The following CRX variants were observed in gnomAD, a reference collection of about 807,000 sequenced individuals.
CRX encodes cone-rod homeobox, also known as cone-rod homeobox protein.
In CRX, 5 loss-of-function variants were observed where a neutral mutation model predicts 13.1. The observed-to-expected ratio is 0.38, with a 90% CI of 0.20 to 0.80. The LOEUF (loss-of-function observed/expected upper bound fraction) is 0.80. Ranked by LOEUF, CRX falls within the 30% of genes least tolerant of loss-of-function variation. CRX has a pLI of 0.43. For missense variants in CRX, 351 were observed against 391.8 expected (o/e 0.90, Z 0.88); for synonymous variants, 179 against 171.1 (o/e 1.05, Z -0.36).
intron 1 of CRX, among the ~76,000 whole-genome samples, chr19:47,829,722 T>G (rs1039494458): frequency 1.3e-5 from 2 of 151,498 alleles, no homozygotes; most frequent in Non-Finnish European, 2.9e-5. Flanking sequence ...CTCCAAATCC[T>G]GGGCTCCAGT....
chr19:47,827,274 A>G (rs553683488), intron 1 of CRX, among the ~76,000 whole-genome samples: 1 of 152,114 alleles, frequency 6.6e-6, no homozygotes, highest in South Asian at 2.1e-4. Context: ...GCTTTTCTCC[A>G]TGATCAATCT....
Position 47,839,635 on chromosome 19 carries a change from C to G in CRX, c.568C>G (p.Pro190Ala). 6.2e-7 allele frequency: 1 copy of G among 1,613,286 alleles called. No individual in the cohort carries two copies. The highest frequency in any genetic ancestry group is 8.5e-7 in the Non-Finnish European group (1 of 1,179,950). The change falls in exon 4 of 4, where the codon CCC becomes GCC. Residue 190 changes from proline to alanine, a missense_variant. This residue lies in a region of CRX where 253 missense variants were observed against 268.3 expected (regional missense o/e 0.94). Transcript: ENST00000221996. The surrounding 1 kb of genome is among the most constrained non-coding windows in gnomAD (Gnocchi z 4.6). The stretch of plus-strand genomic sequence containing the variant: ...CTCAGGGCCGTCTCTGACCTCCGCC[C>G]CCTATGCCATGACCTACGCCCCGGC... ...VASGPSLTSA[P>A]YAMTYAPASA...
Position 47,839,654 on chromosome 19 carries a change from C to G in CRX, c.587C>G (p.Ala196Gly). 6.2e-7 allele frequency: 1 copy of G among 1,613,460 alleles called. No homozygotes were observed. Among genetic ancestry groups the G allele is most frequent in the Non-Finnish European group, 8.5e-7 (1 of 1,179,970 alleles). Residue 196 changes from alanine (A) to glycine (G), a missense_variant, in exon 4 of 4, where the codon GCC (alanine) becomes GGC (glycine). Ala to Gly is a moderately conservative substitution (Grantham distance 60). Coordinates refer to ENST00000221996, the MANE Select transcript of CRX (RefSeq NM_000554.6). The surrounding 1 kb of genome is among the most constrained non-coding windows in gnomAD (Gnocchi z 4.6). The part of the protein sequence containing the change: ...LTSAPYAMTY[A>G]PASAFCSSPS... ...TCCGCCCCCTATGCCATGACCTACG[C>G]CCCGGCCTCCGCTTTCTGCTCTTCC...
chr19:47,840,081 C>G lies in CRX; in HGVS notation c.*114C>G. The G allele has an allele frequency of 7.9e-7, 1 of 1,270,550 alleles. No individual in the cohort carries two copies. The allele number at this position is 1,270,550 out of a possible 1,614,324, so 78.7% of individuals were successfully genotyped here. A position where few individuals can be genotyped will look rare whatever the true frequency, so the allele number is the denominator to read the frequency against. On this transcript the variant is annotated 3_prime_UTR_variant, in exon 4 of 4. Transcript: ENST00000221996. ...TTCCTGAGAAAGCAACCCGAACCAG[C>G]TGTCCTTCTGACAGCTCGGTGTTCA...
At chr19:47,834,605 G>A in intron 2 of CRX, 62 bp downstream of exon 2, 1 of 1,389,412 alleles carries the variant, frequency 7.2e-7, no homozygotes, top group Non-Finnish European at 1.0e-6. Flanking sequence ...GACCTCTGGG[G>A]TCCCTTTGCC....
chr19:47,829,072 CAT>C (rs1193546569), intron 1 of CRX, among the ~76,000 whole-genome samples: 2 of 152,064 alleles, frequency 1.3e-5, no homozygotes, highest in Non-Finnish European at 2.9e-5. Flanking sequence ...ATATTCTACA[CAT>C]GAGTAAAATC....
chr19:47,840,193 C>A lies in CRX; in HGVS notation c.*226C>A. 1.8e-6 allele frequency: 1 copy of A among 568,580 alleles called. No homozygotes were observed. Among genetic ancestry groups the A allele is most frequent in the Non-Finnish European group, 3.1e-6 (1 of 317,758 alleles). 35.2% of individuals were successfully genotyped at this position (568,580 alleles called of 1,614,324 possible). ...ACAGGTCCTAGTGATTCTCTCAACC[C>A]TAACACCGTCTGGCACGATTGTGAC... On this transcript the variant is annotated 3_prime_UTR_variant, in exon 4 of 4. Transcript: ENST00000221996.
rs1186575304 is a variant in CRX, at chr19:47,839,891, C to T, written c.824C>T (p.Thr275Ile). The stretch of plus-strand genomic sequence containing the variant: ...TTGGAATTCAAGGACCCCACGGGCA[C>T]CTGGAAATTCACCTACAATCCCATG... ...DSLEFKDPTG[T>I]WKFTYNPMDP... The change falls in exon 4 of 4, where the codon ACC (threonine) becomes ATC (isoleucine). Residue 275 changes from threonine to isoleucine, a missense_variant. By Grantham distance (89) the Thr-to-Ile change is moderately conservative. Around this residue, in one of 3 missense-constraint regions of CRX, gnomAD observed 253 missense variants for 268.3 expected, o/e 0.94. Coordinates refer to ENST00000221996, the MANE Select transcript of CRX (RefSeq NM_000554.6). The surrounding 1 kb of genome is among the most constrained non-coding windows in gnomAD (Gnocchi z 4.6). 1.9e-6 allele frequency: 3 copies of T among 1,614,116 alleles called. No individual in the cohort carries two copies. Among genetic ancestry groups the T allele is most frequent in the East Asian group, 2.2e-5 (1 of 44,872 alleles).
In CRX at chr19:47,836,285, G is replaced by A. The variant is rs765302774; in HGVS notation, c.143G>A (p.Arg48Gln). 8.1e-6 allele frequency: 13 copies of A among 1,614,152 alleles called. No homozygotes were observed. Among genetic ancestry groups the A allele is most frequent in the African/African-American group, 1.3e-5 (1 of 75,022 alleles). Reference sequence around the variant, plus strand: ...CGGCGGGAGCGCACCACCTTCACCCGGAGCCAACTGGAGGAGCTGGAGGCA... The same window carrying A: ...CGGCGGGAGCGCACCACCTTCACCCAGAGCCAACTGGAGGAGCTGGAGGCA... ...KQRRERTTFT[R>Q]SQLEELEALF... The change falls in exon 3 of 4, where the codon CGG (arginine) becomes CAG (glutamine). Residue 48 changes from arginine (R) to glutamine (Q), a missense_variant. Physicochemically the swap from Arg to Gln is conservative, Grantham distance 43 (BLOSUM62 1). Coordinates refer to ENST00000221996, the MANE Select transcript of CRX (RefSeq NM_000554.6).
intron 3 of CRX, among the ~76,000 whole-genome samples, chr19:47,836,609 C>CAA (rs576553265): frequency 1.5e-3 from 229 of 152,362 alleles, no homozygotes; most frequent in African/African-American, 5.4e-3. Flanking sequence ...ACCTGCCTGC[C>CAA]AAGCACCCTC....
At chr19:47,832,932 G>A (rs367552508) in intron 1 of CRX, among the ~76,000 whole-genome samples, 2 of 151,626 alleles carry the variant, frequency 1.3e-5, no homozygotes, top group African/African-American at 4.9e-5. Flanking sequence ...ATGGGAGTGT[G>A]CCTTTCCCCA....
rs540563194 is a variant in CRX, at chr19:47,840,234, C to T, written c.*267C>T. On this transcript the variant is annotated 3_prime_UTR_variant, in exon 4 of 4. Transcript: ENST00000221996. ...CGATTGTGACCGCTGAAGTACACCA[C>T]GAGCTCCAGGCTTCAGAAAGTGGTG... The T allele has an allele frequency of 2.1e-5, 10 of 478,976 alleles. No individual in the cohort carries two copies. Among genetic ancestry groups the T allele is most frequent in the Admixed American group, 1.1e-4 (3 of 28,434 alleles). 29.7% of individuals were successfully genotyped at this position (478,976 alleles called of 1,614,324 possible). A position where few individuals can be genotyped will look rare whatever the true frequency, so the allele number is the denominator to read the frequency against.
At position 47,836,292 on chromosome 19, in the gene CRX, A is replaced by C. The variant is rs755068966; in HGVS notation, c.150A>C (p.Gln50His). 1 of 1,614,046 alleles carries C rather than the reference A, an allele frequency of 6.2e-7. No individual in the cohort carries two copies. Among genetic ancestry groups the C allele is most frequent in the African/African-American group, 1.3e-5 (1 of 74,912 alleles). The change falls in exon 3 of 4, where the codon CAA becomes CAC. Residue 50 changes from glutamine to histidine, a missense_variant. Gln to His is a conservative substitution (Grantham distance 24). This residue lies in a region of CRX where 95 missense variants were observed against 106.7 expected (regional missense o/e 0.89). Transcript: ENST00000221996. ...AGCGCACCACCTTCACCCGGAGCCA[A>C]CTGGAGGAGCTGGAGGCACTGTTTG... is the stretch of plus-strand genomic sequence containing the variant. Reference protein sequence around the residue: ...RRERTTFTRSQLEELEALFAK... With the variant: ...RRERTTFTRSHLEELEALFAK...
chr19:47,836,725 T>C (rs1367125711), intron 3 of CRX, among the ~76,000 whole-genome samples: 1 of 152,174 alleles, frequency 6.6e-6, no homozygotes, highest in Non-Finnish European at 1.5e-5. Context: ...TATCCATCAG[T>C]GAGACCCACA....
chr19:47,824,983 T>C (rs377505378), intron 1 of CRX, among the ~76,000 whole-genome samples: 3 of 114,580 alleles, frequency 2.6e-5, no homozygotes, highest in African/African-American at 1.1e-4. Context: ...CCTCTTTCGA[T>C]TGATTGATTT....
In CRX at chr19:47,840,338, C is replaced by A; in HGVS notation, c.*371C>A. ...CATGTTTAGGTCAGAATCACCGTGCCCTTGAACAAGCAGGTAGGGGGGCTT... is the reference window on the plus strand; with the variant it reads ...CATGTTTAGGTCAGAATCACCGTGCACTTGAACAAGCAGGTAGGGGGGCTT... On this transcript the variant is annotated 3_prime_UTR_variant, in exon 4 of 4. Transcript: ENST00000221996. The A allele has an allele frequency of 7.8e-6, 2 of 256,592 alleles. No individual in the cohort carries two copies. Among genetic ancestry groups the A allele is most frequent in the South Asian group, 5.3e-5 (1 of 18,966 alleles). The allele number at this position is 256,592 out of a possible 1,614,324, so 15.9% of individuals were successfully genotyped here. A position where few individuals can be genotyped will look rare whatever the true frequency, so the allele number is the denominator to read the frequency against.
intron 1 of CRX, among the ~76,000 whole-genome samples, chr19:47,833,061 T>TCTCA (rs71180893): frequency 0.56 from 64,462 of 114,908 alleles, 17,338 homozygotes; most frequent in Middle Eastern, 0.66. Flanking sequence ...GAGATAGGGG[T>TCTCA]CTATTTCTTT....
At chr19:47,825,763 T>TAAAAAAAAAAAAA (rs1967967342) in intron 1 of CRX, among the ~76,000 whole-genome samples, 1 of 103,276 alleles carries the variant, frequency 9.7e-6, no homozygotes, top group Non-Finnish European at 2.3e-5. Flanking sequence ...CTACTAAAAA[T>TAAAAAAAAAAAAA]ACAAAAAAAA....
rs373497612 is a variant in CRX, at chr19:47,839,652, C to T, written c.585C>T (p.Tyr195=). 2.6e-5 allele frequency: 42 copies of T among 1,613,234 alleles called. No homozygotes were observed. Among genetic ancestry groups the T allele is most frequent in the Middle Eastern group, 1.6e-4 (1 of 6,084 alleles). The change falls in exon 4 of 4, where the codon TAC becomes TAT. Residue 195 remains tyrosine (Y), a synonymous_variant. Transcript: ENST00000221996. The surrounding 1 kb of genome is among the most constrained non-coding windows in gnomAD (Gnocchi z 4.6). The part of the protein sequence containing the change: ...SLTSAPYAMT[Y]APASAFCSSP... ...CCTCCGCCCCCTATGCCATGACCTA[C>T]GCCCCGGCCTCCGCTTTCTGCTCTT...
Sources: allele counts gnomAD v4.1 joint callset (sites outside exome capture counted in the v4.1 genomes callset), GRCh38; gene constraint gnomAD v4.1.1; regional missense constraint gnomAD v4.1.1; non-coding constraint Gnocchi (gnomAD v3.1); transcripts MANE v1.5; gene names NCBI Gene and HGNC (gene_info 2026-07-23, HGNC 2026-07-21).